PHF24: variants seen among roughly 807,000 people sequenced by gnomAD.
PHF24 encodes Galpha inhibitory interacting protein.
PHF24 carries 25 observed loss-of-function variants against 42.6 expected under a neutral mutation model. That is an observed-to-expected ratio of 0.59 (90% CI 0.43 to 0.82). The LOEUF (loss-of-function observed/expected upper bound fraction) is 0.82. Ranked by LOEUF, PHF24 falls within the 40% of genes least tolerant of loss-of-function variation. The pLI is 0.00. For synonymous variants in PHF24, 185 were observed against 204.8 expected, an observed-to-expected ratio of 0.90 and a Z score of 0.83; for missense variants, 470 against 538.1, an observed-to-expected ratio of 0.87 and a Z score of 1.25.
the PHF24 span, among the ~76,000 whole-genome samples, chr9:34,929,653 TGA>T: frequency 2.0e-5 from 3 of 152,214 alleles, no homozygotes; most frequent in East Asian, 5.8e-4. Flanking sequence ...CGTTAAGCTG[TGA>T]GAGTCACCAT....
the PHF24 span, among the ~76,000 whole-genome samples, chr9:34,747,358 T>G: frequency 6.6e-6 from 1 of 151,992 alleles, no homozygotes; most frequent in African/African-American, 2.4e-5. Context: ...CAAGGCTGCA[T>G]TGAACTATGA....
At chr9:34,839,878 G>A in the PHF24 span, among the ~76,000 whole-genome samples, 1 of 152,244 alleles carries the variant, frequency 6.6e-6, no homozygotes, top group Non-Finnish European at 1.5e-5. Flanking sequence ...GAGGGGATCA[G>A]TTTGGTCAGA....
At chr9:34,679,700 C>T in the PHF24 span, among the ~76,000 whole-genome samples, 6 of 151,902 alleles carry the variant, frequency 3.9e-5, no homozygotes, top group Admixed American at 2.6e-4. Context: ...GGTGACAGAG[C>T]GAGACGCCTT....
chr9:34,745,762 A>T, the PHF24 span, among the ~76,000 whole-genome samples: 1 of 151,864 alleles, frequency 6.6e-6, no homozygotes, highest in African/African-American at 2.4e-5. Flanking sequence ...GTTTAAAAAA[A>T]CATTTCAAAA....
At chr9:34,736,559 G>C in the PHF24 span, among the ~76,000 whole-genome samples, 12 of 152,244 alleles carry the variant, frequency 7.9e-5, no homozygotes, top group East Asian at 2.1e-3. Context: ...CTCCCACCTT[G>C]GCCTCCCAGA....
At chr9:34,738,419 C>T in the PHF24 span, among the ~76,000 whole-genome samples, 3 of 151,980 alleles carry the variant, frequency 2.0e-5, no homozygotes, top group Admixed American at 6.5e-5. Flanking sequence ...GGTGCAATCT[C>T]GGCTCACTGC....
chr9:34,682,437 CG>C, the PHF24 span, among the ~76,000 whole-genome samples: 52 of 151,774 alleles, frequency 3.4e-4, no homozygotes, highest in Non-Finnish European at 6.3e-4. Context: ...GTCTGTCTTT[CG>C]GGGGGGTGAA....
chr9:34,925,733 TC>T, the PHF24 span, among the ~76,000 whole-genome samples: 2 of 152,178 alleles, frequency 1.3e-5, no homozygotes, highest in East Asian at 3.8e-4. Context: ...TGTATCTCAA[TC>T]CATTTCCTTA....
intron 2 of PHF24, among the ~76,000 whole-genome samples, 169 bp from the exon 3 acceptor site, chr9:34,972,177 G>A (rs1262319431): frequency 6.6e-6 from 1 of 152,212 alleles, no homozygotes; most frequent in East Asian, 1.9e-4. Flanking sequence ...AGGACCTCCT[G>A]GTTCTTGTCG....
the PHF24 span, among the ~76,000 whole-genome samples, chr9:34,942,639 A>T: frequency 3.7e-4 from 56 of 152,226 alleles, no homozygotes; most frequent in African/African-American, 1.1e-3. Flanking sequence ...ACTGTTTCTG[A>T]TCCTCTTTAC....
chr9:34,792,102 A>G, the PHF24 span, among the ~76,000 whole-genome samples: 67 of 152,326 alleles, frequency 4.4e-4, no homozygotes, highest in Admixed American at 9.8e-4. Context: ...TTTCAGTTAA[A>G]TAATCATGTG....
chr9:34,958,384 C>A lies in PHF24; in HGVS notation c.-22C>A. The A allele has an allele frequency of 6.6e-6, 1 of 152,352 alleles. No homozygotes were observed. Among genetic ancestry groups the A allele is most frequent in the South Asian group, 1.9e-4 (1 of 5,198 alleles). The allele number at this position is 152,352 out of a possible 1,614,324, so 9.4% of individuals were successfully genotyped here. ...AGTCCGCCGCCCCGGAGCCGCGTCC[C>A]GCACCCGGACGGTCCCGGTAAGCGG... On this transcript the variant is annotated 5_prime_UTR_variant, in exon 1 of 8. Coordinates refer to ENST00000242315, the Ensembl canonical transcript of PHF24. The surrounding 1 kb of genome is among the most constrained non-coding windows in gnomAD (Gnocchi z 4.5).
the PHF24 span, chr9:34,723,387 C>CCACCAGCTTT: frequency 6.4e-7 from 1 of 1,551,690 alleles, no homozygotes; most frequent in Non-Finnish European, 8.7e-7. Flanking sequence ...AAGGCTGGGC[C>CCACCAGCTTT]CACCAGCTTC....
chr9:34,748,327 G>T, the PHF24 span, among the ~76,000 whole-genome samples: 1 of 152,194 alleles, frequency 6.6e-6, no homozygotes, highest in South Asian at 2.1e-4. Flanking sequence ...ATAGTCTCCA[G>T]TGTTAGAAGT....
At chr9:34,693,530 A>G in the PHF24 span, among the ~76,000 whole-genome samples, 3 of 151,830 alleles carry the variant, frequency 2.0e-5, no homozygotes, top group Admixed American at 2.0e-4. Context: ...CACATCTGAG[A>G]CTCTGAGGAT....
chr9:34,956,029 C>G (rs888335999), upstream of PHF24, among the ~76,000 whole-genome samples: 2 of 152,108 alleles, frequency 1.3e-5, no homozygotes, highest in East Asian at 3.8e-4. Flanking sequence ...ATTCCTTAAC[C>G]CAAGTACCTC....
chr9:34,688,876 C>A, the PHF24 span, among the ~76,000 whole-genome samples: 1 of 152,206 alleles, frequency 6.6e-6, no homozygotes. Context: ...CAGTGGAACC[C>A]AAAATAGATG....
chr9:34,832,617 T>C, the PHF24 span: 1 of 1,542,716 alleles, frequency 6.5e-7, no homozygotes, highest in Non-Finnish European at 8.8e-7. Context: ...CTTGTGCCCT[T>C]TGCCTTTTGT....
At chr9:34,823,032 T>C in the PHF24 span, among the ~76,000 whole-genome samples, 1 of 148,062 alleles carries the variant, frequency 6.8e-6, no homozygotes, top group Non-Finnish European at 1.5e-5. Context: ...CCGTCTCTAC[T>C]AAAAATACAA....
Sources: allele counts gnomAD v4.1 joint callset (sites outside exome capture counted in the v4.1 genomes callset), GRCh38; gene constraint gnomAD v4.1.1; non-coding constraint Gnocchi (gnomAD v3.1); transcripts MANE v1.5; gene names NCBI Gene and HGNC (gene_info 2026-07-23, HGNC 2026-07-21).